The following IRAG1 variants were observed in gnomAD, a reference collection of about 807,000 sequenced individuals.
The protein encoded by IRAG1 is inositol 1,4,5-triphosphate receptor associated 1, also known as IP3R-associated cGMP kinase substrate.
Under a neutral mutation model 106.2 loss-of-function variants are expected in IRAG1, and 62 were observed. That is an observed-to-expected ratio of 0.58 (90% confidence interval 0.48 to 0.72). The LOEUF is 0.72. Ranked by LOEUF, IRAG1 falls within the 30% of genes least tolerant of loss-of-function variation. The pLI, the probability that IRAG1 is intolerant of heterozygous loss-of-function variation, is 0.00. For synonymous variants in IRAG1, 462 were observed against 443.9 expected (o/e 1.04, Z -0.51); for missense variants, 1,064 against 1,140.7 (o/e 0.93, Z 0.97).
intron 10 of IRAG1, among the ~76,000 whole-genome samples, chr11:10,611,238 A>G (rs1854932637): frequency 6.6e-6 from 1 of 152,200 alleles, no homozygotes; most frequent in Admixed American, 6.5e-5. Context: ...TGGATATGAG[A>G]TTCAACTAGA....
At chr11:10,629,299 T>G (rs1436930262) in intron 5 of IRAG1, among the ~76,000 whole-genome samples, 1 of 152,122 alleles carries the variant, frequency 6.6e-6, no homozygotes, top group Non-Finnish European at 1.5e-5. Flanking sequence ...ACCTTCCCTC[T>G]AACCCAGAAA....
chr11:10,625,914 C>G (rs571016188), intron 9 of IRAG1, 52 bp downstream of exon 9: 4 of 1,388,524 alleles, frequency 2.9e-6, no homozygotes, highest in Admixed American at 3.1e-5. Flanking sequence ...GGTCTTCAGC[C>G]CAGGGAGTAC....
intron 15 of IRAG1, among the ~76,000 whole-genome samples, chr11:10,596,728 C>T (rs993178054): frequency 3.3e-5 from 5 of 152,202 alleles, no homozygotes; most frequent in Non-Finnish European, 1.5e-5. Context: ...GTAACTTCCT[C>T]AAACCTATCT....
chr11:10,667,068 T>C (rs1389505979), intron 1 of IRAG1, among the ~76,000 whole-genome samples: 6 of 152,148 alleles, frequency 3.9e-5, no homozygotes, highest in African/African-American at 9.7e-5. Flanking sequence ...ATTAATGCTA[T>C]GATAGAATGT....
chr11:10,629,588 A>G lies in IRAG1; in HGVS notation c.524T>C (p.Leu175Pro). The G allele has an allele frequency of 1.2e-6, 2 of 1,613,952 alleles. No individual in the cohort carries two copies. The highest frequency in any genetic ancestry group is 8.5e-7 in the Non-Finnish European group (1 of 1,179,854). Residue 175 changes from leucine to proline, a missense_variant, in exon 5 of 21, where the codon CTG (leucine) becomes CCG (proline). Physicochemically the swap from Leu to Pro is moderately conservative, Grantham distance 98. Transcript: ENST00000423302. The part of the protein sequence containing the change: ...EEAKLVSERF[L>P]TRRGRKSRSS... ...CCTGGACTTCCTCCCACGGCGGGTCAGGAATCGCTCACTCACCAACTTGGC... is the reference window on the plus strand; with the variant it reads ...CCTGGACTTCCTCCCACGGCGGGTCGGGAATCGCTCACTCACCAACTTGGC...
chr11:10,668,541 G>A (rs1859965863), intron 1 of IRAG1, among the ~76,000 whole-genome samples: 1 of 152,188 alleles, frequency 6.6e-6, no homozygotes. Flanking sequence ...GTCTATGGCT[G>A]TTTTCATGCT....
rs567573896 is a variant in IRAG1 at position 10,641,109 on chromosome 11, G to A, written c.226-7038C>T. 4.6e-5 allele frequency among the ~76,000 whole-genome samples: 7 copies of A among 152,160 alleles called. No individual in the cohort carries two copies. The South Asian group carries it at 1.5e-3, about 32-fold the overall frequency. On this transcript the variant is annotated intron_variant, in intron 2 of 20. Coordinates refer to ENST00000423302, the MANE Select transcript of IRAG1 (RefSeq NM_130385.4). ...GGCTGGTCTCAAATTTCTGGGCTCA[G>A]GTGATCCTCTCACCTGAGTAGCTGG...
chr11:10,637,337 C>T (rs1345868735), intron 2 of IRAG1, among the ~76,000 whole-genome samples: 1 of 152,154 alleles, frequency 6.6e-6, no homozygotes, highest in African/African-American at 2.4e-5. Flanking sequence ...CTCATGATCC[C>T]AGAGCTCCAG....
chr11:10,589,001 A>G (rs1852344763), intron 18 of IRAG1: 1 of 152,174 alleles, frequency 6.6e-6, no homozygotes, highest in Admixed American at 6.5e-5. Context: ...CTCTCCACCC[A>G]TATGTTTAAG....
At chr11:10,594,327 TG>T (rs1853028228) in intron 15 of IRAG1, 132 bp from the exon 16 acceptor site, 2 of 750,816 alleles carry the variant, frequency 2.7e-6, no homozygotes, top group East Asian at 5.5e-5. Context: ...GTCTGGGTGT[TG>T]GGGACACTGA....
chr11:10,658,505 A>G (rs966036615), intron 1 of IRAG1: 6 of 155,040 alleles, frequency 3.9e-5, no homozygotes, highest in African/African-American at 1.4e-4. Context: ...CATGCACAGC[A>G]TCAACAAAAC....
chr11:10,643,128 C>T (rs1857651836), intron 2 of IRAG1, among the ~76,000 whole-genome samples: 1 of 133,270 alleles, frequency 7.5e-6, no homozygotes, highest in African/African-American at 2.9e-5. Context: ...TGAGCCTGAT[C>T]GTGCCACTGC....
At chr11:10,675,517 A>T (rs1026025631) in intron 1 of IRAG1, among the ~76,000 whole-genome samples, 3 of 152,198 alleles carry the variant, frequency 2.0e-5, no homozygotes, top group African/African-American at 4.8e-5. Flanking sequence ...TTTAATTCCT[A>T]ACAATGACGA....
chr11:10,603,292 T>C (rs372295789), intron 13 of IRAG1, 41 bp from the exon 14 acceptor site: 191 of 1,603,382 alleles, frequency 1.2e-4, no homozygotes, highest in Non-Finnish European at 1.6e-4. Flanking sequence ...CCTCAAATAA[T>C]GTTATGGACT....
chr11:10,578,619 A>T (rs1227083718), intron 20 of IRAG1, among the ~76,000 whole-genome samples: 2 of 152,224 alleles, frequency 1.3e-5, no homozygotes, highest in African/African-American at 2.4e-5. Flanking sequence ...AGGCACCAAC[A>T]TTTCAGGGAA....
rs1235551847 is a variant in IRAG1, at chr11:10,581,951, G to T, written c.2276C>A (p.Ser759Tyr). Reference sequence around the variant, plus strand: ...GCAGCTCAGGGTCAGCGCAGGAGCAGAGGCTTCACAATCTGGGTCCCCATT... The same window carrying T: ...GCAGCTCAGGGTCAGCGCAGGAGCATAGGCTTCACAATCTGGGTCCCCATT... ...KTNGDPDCEA[S>Y]APALTLSCLE... Residue 759 changes from serine (S) to tyrosine (Y), a missense_variant, in exon 19 of 21, where the codon TCT becomes TAT. Ser to Tyr is a moderately radical substitution (Grantham distance 144). Transcript: ENST00000423302. 6.2e-7 allele frequency: 1 copy of T among 1,613,832 alleles called. No individual in the cohort carries two copies. Among genetic ancestry groups the T allele is most frequent in the East Asian group, 2.2e-5 (1 of 44,878 alleles).
rs1850730924 is a variant in IRAG1 at position 10,574,659 on chromosome 11, A to G, written c.*1673T>C. 6.6e-6 allele frequency: 1 copy of G among 151,890 alleles called. No homozygotes were observed. The highest frequency in any genetic ancestry group is 1.5e-5 in the Non-Finnish European group (1 of 68,010). 9.4% of individuals were successfully genotyped at this position (151,890 alleles called of 1,614,324 possible). A position where few individuals can be genotyped will look rare whatever the true frequency, so the allele number is the denominator to read the frequency against. The stretch of plus-strand genomic sequence containing the variant: ...CTGAAGAAAAGAGAAGAACAGCTGG[A>G]AAAAAAACTAGTGAGTGGAGGTCCA... On this transcript the variant is annotated 3_prime_UTR_variant, in exon 21 of 21. Transcript: ENST00000423302.
At chr11:10,682,659 C>T (rs1861354354) in intron 1 of IRAG1, among the ~76,000 whole-genome samples, 1 of 152,154 alleles carries the variant, frequency 6.6e-6, no homozygotes, top group South Asian at 2.1e-4. Flanking sequence ...ATGGAAGTAA[C>T]CCAAGAAATT....
At position 10,659,384 on chromosome 11, in the gene IRAG1, T is replaced by C. The variant is rs1859220719; in HGVS notation, c.68-7202A>G. Among the ~76,000 whole-genome samples, 1 of 152,084 alleles carries C rather than the reference T, an allele frequency of 6.6e-6. No homozygotes were observed. Among genetic ancestry groups the C allele is most frequent in the Non-Finnish European group, 1.5e-5 (1 of 68,022 alleles). ...GAGCAGGAATGGTGAAGGGCGGAGA[T>C]GCAGGGAGAAAGCCTCGGTGGCAAC... On this transcript the variant is annotated intron_variant, in intron 1 of 20. Coordinates refer to ENST00000423302, the MANE Select transcript of IRAG1 (RefSeq NM_130385.4). This position sits in a 1 kb window ranked among gnomAD's most constrained non-coding sequence, Gnocchi z 4.1.
Sources: allele counts gnomAD v4.1 joint callset (sites outside exome capture counted in the v4.1 genomes callset), GRCh38; gene constraint gnomAD v4.1.1; non-coding constraint Gnocchi (gnomAD v3.1); transcripts MANE v1.5; gene names NCBI Gene and HGNC (gene_info 2026-07-23, HGNC 2026-07-21).